Variants in DNAAF11 observed in about 807,000 individuals in gnomAD.
The protein encoded by DNAAF11 is dynein axonemal assembly factor 11.
DNAAF11 carries 45 observed loss-of-function variants against 60.8 expected under a neutral mutation model. The ratio of observed to expected loss-of-function variants is 0.74; its 90% CI spans 0.58 to 0.95. The LOEUF (loss-of-function observed/expected upper bound fraction) is 0.95. DNAAF11 is among the 40% of genes least tolerant of loss of function. The probability of loss-of-function intolerance (pLI) is 0.00; values close to 1 mark genes in which losing one functional copy is unlikely to be tolerated. For missense variants in DNAAF11, 546 were observed against 546.2 expected (o/e 1.00, Z 0.00); for synonymous variants, 191 against 183.5 (o/e 1.04, Z -0.33).
At chr8:132,650,003 C>T (rs966651788) in intron 3 of DNAAF11, among the ~76,000 whole-genome samples, 1 of 152,204 alleles carries the variant, frequency 6.6e-6, no homozygotes, top group Non-Finnish European at 1.5e-5. Context: ...TTTGACCCAG[C>T]CATCCCATTA....
intron 8 of DNAAF11, among the ~76,000 whole-genome samples, chr8:132,614,228 C>T (rs1010416344): frequency 6.6e-6 from 1 of 152,248 alleles, no homozygotes; most frequent in African/African-American, 2.4e-5. Context: ...AATGAGGTGA[C>T]ATCTGAGCAG....
At chr8:132,577,836 A>ATT (rs901511944) in intron 11 of DNAAF11, among the ~76,000 whole-genome samples, 2 of 146,398 alleles carry the variant, frequency 1.4e-5, no homozygotes, top group African/African-American at 5.0e-5. Context: ...TAATTTTTGT[A>ATT]TTTTTTTTTT....
chr8:132,623,918 G>A (rs1217099716), intron 6 of DNAAF11, among the ~76,000 whole-genome samples: 3 of 152,050 alleles, frequency 2.0e-5, no homozygotes, highest in Non-Finnish European at 2.9e-5. Context: ...TAATAAAAAT[G>A]GTAACACAAT....
At chr8:132,581,787 G>A (rs563677483) in intron 11 of DNAAF11, among the ~76,000 whole-genome samples, 2 of 151,818 alleles carry the variant, frequency 1.3e-5, no homozygotes, top group South Asian at 2.1e-4. Flanking sequence ...CAGTAAATTA[G>A]AAATAATAGC....
At chr8:132,682,842 G>A in the DNAAF11 span, among the ~76,000 whole-genome samples, 594 of 152,322 alleles carry the variant, frequency 3.9e-3, 3 homozygotes, top group South Asian at 0.012. Context: ...AGAAGATGAC[G>A]GGGAGCTAGC....
At chr8:132,574,149 GT>G (rs2130940678) in intron 11 of DNAAF11, among the ~76,000 whole-genome samples, 1 of 152,316 alleles carries the variant, frequency 6.6e-6, no homozygotes, top group East Asian at 1.9e-4. Context: ...AAAGAATAGA[GT>G]TTTGTGGCAT....
intron 3 of DNAAF11, among the ~76,000 whole-genome samples, chr8:132,638,540 C>T (rs1470258784): frequency 6.6e-6 from 1 of 152,192 alleles, no homozygotes; most frequent in African/African-American, 2.4e-5. Context: ...CATATTTCAT[C>T]TTGGAGGGTG....
At chr8:132,693,614 C>T in the DNAAF11 span, among the ~76,000 whole-genome samples, 1 of 151,830 alleles carries the variant, frequency 6.6e-6, no homozygotes, top group Non-Finnish European at 1.5e-5. Context: ...AACTAATAAA[C>T]AGGTAATTTC....
chr8:132,587,065 C>T (rs182289565), intron 10 of DNAAF11, among the ~76,000 whole-genome samples: 8 of 152,198 alleles, frequency 5.3e-5, no homozygotes, highest in African/African-American at 1.9e-4. Flanking sequence ...CTTTACATTG[C>T]AATACATGCA....
intron 3 of DNAAF11, among the ~76,000 whole-genome samples, chr8:132,651,697 T>TA (rs1224899392): frequency 6.6e-6 from 1 of 152,190 alleles, no homozygotes; most frequent in Non-Finnish European, 1.5e-5. Flanking sequence ...TAAGAATACT[T>TA]ACTTCACAAA....
rs540578229 is a variant in DNAAF11, at chr8:132,674,212, AG to A, written c.10+1271del. Among the ~76,000 whole-genome samples, 219 of 150,896 alleles carry A rather than the reference AG, an allele frequency of 1.5e-3. 2 individuals are homozygous for A. The highest frequency in any genetic ancestry group is 5.2e-3 in the African/African-American group (210 of 40,550). ...GAGGAGGAGAAGGAGGAGGAGAAGG[AG>A]GAGGAGGAGAAGGAGAAGAAGAAAA... is the stretch of plus-strand genomic sequence containing the variant. On this transcript the variant is annotated intron_variant, in intron 1 of 11. Transcript: ENST00000620350.
At position 132,571,536 on chromosome 8, in the gene DNAAF11, G is replaced by A. The variant is rs1181052417; in HGVS notation, c.*770C>T. On this transcript the variant is annotated 3_prime_UTR_variant, in exon 12 of 12. Transcript: ENST00000620350. ...AGAATAAGGGGAGAAAAGTAATTGG[G>A]GAGGGAGGGGAAGAAGGAGCAGGGA... is the stretch of plus-strand genomic sequence containing the variant. Among the ~76,000 whole-genome samples the A allele has an allele frequency of 2.6e-5, 4 of 152,016 alleles. No homozygotes were observed. The highest frequency in any genetic ancestry group is 9.7e-5 in the African/African-American group (4 of 41,386).
chr8:132,621,360 G>T (rs1819742980), intron 7 of DNAAF11, among the ~76,000 whole-genome samples: 1 of 152,192 alleles, frequency 6.6e-6, no homozygotes, highest in African/African-American at 2.4e-5. Context: ...CGCCATTTGG[G>T]TATAAGATTC....
At chr8:132,654,697 G>T (rs1037377428) in intron 3 of DNAAF11, among the ~76,000 whole-genome samples, 27 of 137,830 alleles carry the variant, frequency 2.0e-4, no homozygotes, top group Admixed American at 8.5e-4. Flanking sequence ...GAAAAAAATT[G>T]CAAAAAAAAA....
rs1012266234 is a variant in DNAAF11, at chr8:132,590,232, C to A, written c.1141-6453G>T. ...TGGAGGGAAGCTGGAGGGCCAAGAA[C>A]CGTACGTGCTTTCACAACCCCTGTC... On this transcript the variant is annotated intron_variant, in intron 10 of 11. Transcript: ENST00000620350. Among the ~76,000 whole-genome samples, 11 of 152,326 alleles carry A rather than the reference C, an allele frequency of 7.2e-5. No individual in the cohort carries two copies. In the South Asian group the frequency reaches 1.5e-3, roughly 20 times the overall value.
At chr8:132,695,317 T>C in the DNAAF11 span, among the ~76,000 whole-genome samples, 1 of 152,156 alleles carries the variant, frequency 6.6e-6, no homozygotes, top group Non-Finnish European at 1.5e-5. Flanking sequence ...TACAACACGC[T>C]GGCATGCTGC....
upstream of DNAAF11, among the ~76,000 whole-genome samples, chr8:132,680,466 G>A (rs991440455): frequency 6.6e-6 from 1 of 152,010 alleles, no homozygotes; most frequent in African/African-American, 2.4e-5. Flanking sequence ...TGCCTAGAAA[G>A]CAATTTAGTT....
Position 132,675,518 on chromosome 8 carries a change from C to G in DNAAF11, c.-25G>C, listed in dbSNP as rs751970362. 1.3e-6 allele frequency: 2 copies of G among 1,555,550 alleles called. No homozygotes were observed. The highest frequency in any genetic ancestry group is 1.7e-6 in the Non-Finnish European group (2 of 1,146,072). On this transcript the variant is annotated 5_prime_UTR_variant, in exon 1 of 12. Transcript: ENST00000620350. ...TGGCGCCTCTCCAGTTCGCTGACCC[C>G]GCAAGCCGGACCCGGACCTCGAATG...
chr8:132,618,920 C>T (rs1044467769), intron 7 of DNAAF11, among the ~76,000 whole-genome samples: 5 of 152,024 alleles, frequency 3.3e-5, no homozygotes, highest in African/African-American at 7.3e-5. Context: ...ACTAGAAATA[C>T]CATGTGACCC....
Sources: gnomAD v4.1 joint callset for allele counts (sites outside exome capture counted in the v4.1 genomes callset) on GRCh38, gnomAD v4.1.1 for gene constraint, MANE v1.5 for transcripts, NCBI Gene and HGNC (gene_info 2026-07-23, HGNC 2026-07-21) for gene names.